The following ANKDD1B variants were observed in gnomAD, a reference collection of about 807,000 sequenced individuals.
ANKDD1B encodes the protein ankyrin repeat and death domain containing 1B, also known as ankyrin repeat and death domain-containing protein 1B.
In ANKDD1B, 57 loss-of-function variants were observed where a neutral mutation model predicts 59.7. The observed-to-expected ratio is 0.95, with a 90% CI of 0.77 to 1.19. ANKDD1B has a LOEUF of 1.19. Among genes scored for constraint, ANKDD1B ranks in the 50% most tolerant of loss-of-function variants. The probability of loss-of-function intolerance (pLI) is 0.00; values close to 1 mark genes in which losing one functional copy is unlikely to be tolerated. For synonymous variants in ANKDD1B, 216 were observed against 239.5 expected (o/e 0.90, Z 0.91); for missense variants, 602 against 641.9 (o/e 0.94, Z 0.67).
At position 75,670,886 on chromosome 5, in the gene ANKDD1B, G is replaced by A. The variant is rs554264964; in HGVS notation, c.1526-93G>A. On this transcript the variant is annotated intron_variant, in intron 13 of 13. Transcript: ENST00000601380. Reference sequence around the variant, plus strand: ...AAAATAAAAATGTTTACTTCAAAGGGCTGTTGTGGGATTTAATGAATAATA... The same window carrying A: ...AAAATAAAAATGTTTACTTCAAAGGACTGTTGTGGGATTTAATGAATAATA... The A allele has an allele frequency of 2.8e-5, 12 of 426,148 alleles. No individual in the cohort carries two copies. The South Asian group carries it at 1.2e-3, about 41-fold the overall frequency. 26.4% of individuals were successfully genotyped at this position (426,148 alleles called of 1,614,324 possible).
intron 2 of ANKDD1B, among the ~76,000 whole-genome samples, chr5:75,617,787 C>G (rs1773750280): frequency 1.3e-5 from 2 of 152,164 alleles, no homozygotes; most frequent in African/African-American, 4.8e-5. Context: ...CTGACTCTGG[C>G]TTTAAGGAAG....
At chr5:75,614,000 GT>G (rs1223921834) in intron 1 of ANKDD1B, among the ~76,000 whole-genome samples, 1 of 152,124 alleles carries the variant, frequency 6.6e-6, no homozygotes, top group Non-Finnish European at 1.5e-5. Flanking sequence ...CGTGTAGCAT[GT>G]CCAAAATAAG....
At chr5:75,664,053 T>C (rs1775238484) in intron 11 of ANKDD1B, among the ~76,000 whole-genome samples, 1 of 152,230 alleles carries the variant, frequency 6.6e-6, no homozygotes, top group Non-Finnish European at 1.5e-5. Flanking sequence ...TGCCCTCCCC[T>C]GCAAGATTCA....
At chr5:75,623,874 A>G (rs1414625012) in intron 3 of ANKDD1B, among the ~76,000 whole-genome samples, 1 of 152,204 alleles carries the variant, frequency 6.6e-6, no homozygotes, top group Non-Finnish European at 1.5e-5. Context: ...GTTATGCCTC[A>G]ATAATTTGGG....
intron 7 of ANKDD1B, among the ~76,000 whole-genome samples, chr5:75,639,526 C>T (rs1362245345): frequency 2.0e-5 from 3 of 152,166 alleles, no homozygotes; most frequent in Non-Finnish European, 4.4e-5. Context: ...AGATGGCTGT[C>T]CCAGGCACCC....
chr5:75,622,474 T>G (rs1773874892), intron 3 of ANKDD1B, among the ~76,000 whole-genome samples: 1 of 152,148 alleles, frequency 6.6e-6, no homozygotes, highest in Non-Finnish European at 1.5e-5. Flanking sequence ...CACTGCATGC[T>G]AGGGACCAAA....
chr5:75,613,946 C>G (rs543665315), intron 1 of ANKDD1B, among the ~76,000 whole-genome samples: 1 of 152,170 alleles, frequency 6.6e-6, no homozygotes, highest in African/African-American at 2.4e-5. Flanking sequence ...GACCACGTAA[C>G]GAGACCCTGT....
At chr5:75,646,762 T>C (rs1345911500) in intron 7 of ANKDD1B, among the ~76,000 whole-genome samples, 1 of 111,458 alleles carries the variant, frequency 9.0e-6, no homozygotes, top group Non-Finnish European at 1.6e-5. Context: ...TTAAAGTTCA[T>C]ATGGAACCAA....
At chr5:75,623,197 C>T (rs574816872) in intron 3 of ANKDD1B, among the ~76,000 whole-genome samples, 1 of 152,172 alleles carries the variant, frequency 6.6e-6, no homozygotes, top group East Asian at 1.9e-4. Context: ...TTCCAAGTAG[C>T]TGGGATTACA....
intron 5 of ANKDD1B, among the ~76,000 whole-genome samples, chr5:75,633,759 GA>G (rs1208141306): frequency 6.6e-6 from 1 of 152,156 alleles, no homozygotes; most frequent in Non-Finnish European, 1.5e-5. Flanking sequence ...AATGCATGTT[GA>G]AATTGGATCC....
chr5:75,614,470 G>A (rs1204413329), intron 1 of ANKDD1B, among the ~76,000 whole-genome samples: 1 of 152,188 alleles, frequency 6.6e-6, no homozygotes, highest in African/African-American at 2.4e-5. Flanking sequence ...AAAGAGCAAA[G>A]CCAGTCAGTG....
At chr5:75,636,543 G>T (rs75651496) in intron 7 of ANKDD1B, among the ~76,000 whole-genome samples, 3,465 of 152,250 alleles carry the variant, frequency 0.023, 142 homozygotes, top group African/African-American at 0.078. Flanking sequence ...GTTGCCAGCA[G>T]ATACCTTGAA....
intron 10 of ANKDD1B, among the ~76,000 whole-genome samples, chr5:75,660,079 G>GT (rs1406409389): frequency 5.3e-5 from 8 of 151,892 alleles, no homozygotes; most frequent in Admixed American, 1.3e-4. Flanking sequence ...GTCTAAACTT[G>GT]TTTTTTTAAA....
chr5:75,620,134 T>C (rs1231291466), intron 2 of ANKDD1B, among the ~76,000 whole-genome samples, 181 bp from the exon 3 acceptor site: 1 of 152,196 alleles, frequency 6.6e-6, no homozygotes, highest in Non-Finnish European at 1.5e-5. Flanking sequence ...TGTTATCTCA[T>C]AATGAAGGCA....
rs1271663473 is a variant in ANKDD1B, at chr5:75,660,687, G to A, written c.1095+1306G>A. 2.6e-5 allele frequency among the ~76,000 whole-genome samples: 4 copies of A among 152,340 alleles called. No homozygotes were observed. The East Asian group carries it at 7.7e-4, about 29-fold the overall frequency. On this transcript the variant is annotated intron_variant, in intron 10 of 13. Coordinates refer to ENST00000601380, the MANE Select transcript of ANKDD1B (RefSeq NM_001276713.2). Reference sequence around the variant, plus strand: ...GTCCCTGGGTACAGTCCTGTCAGGTGCTCACGCAGGCCATATTACTTCAAT... The same window carrying A: ...GTCCCTGGGTACAGTCCTGTCAGGTACTCACGCAGGCCATATTACTTCAAT...
At chr5:75,624,190 A>G (rs1773928514) in intron 3 of ANKDD1B, among the ~76,000 whole-genome samples, 1 of 152,208 alleles carries the variant, frequency 6.6e-6, no homozygotes, top group South Asian at 2.1e-4. Context: ...AAAAACAGAC[A>G]CTTGAGTTTG....
chr5:75,666,937 C>A lies in ANKDD1B; in HGVS notation c.1337C>A (p.Ala446Asp), dbSNP rs755123803. Residue 446 changes from alanine (A) to aspartate (D), a missense_variant, in exon 12 of 14, where the codon GCC (alanine) becomes GAC (aspartate). By Grantham distance (126) the Ala-to-Asp change is moderately radical (BLOSUM62 -2). Coordinates refer to ENST00000601380, the MANE Select transcript of ANKDD1B (RefSeq NM_001276713.2). ...QLKANEWQRL[A>D]RSWNFTDDQI... ...AAGGCCAATGAGTGGCAGAGGCTGGCCCGTTCGTGGAACTTTACAGATGAC... is the reference window on the plus strand; with the variant it reads ...AAGGCCAATGAGTGGCAGAGGCTGGACCGTTCGTGGAACTTTACAGATGAC... 7 of 1,522,228 alleles carry A rather than the reference C, an allele frequency of 4.6e-6. No individual in the cohort carries two copies. Among genetic ancestry groups the A allele is most frequent in the South Asian group, 2.5e-5 (2 of 81,562 alleles). 94.3% of individuals were successfully genotyped at this position (1,522,228 alleles called of 1,614,324 possible).
At chr5:75,646,703 C>A (rs1229027843) in intron 7 of ANKDD1B, among the ~76,000 whole-genome samples, 1 of 49,256 alleles carries the variant, frequency 2.0e-5, no homozygotes, top group East Asian at 5.3e-4. Context: ...TCAATGCCAT[C>A]CCCATCAAGC....
At chr5:75,660,857 G>C (rs942214979) in intron 10 of ANKDD1B, among the ~76,000 whole-genome samples, 2 of 152,152 alleles carry the variant, frequency 1.3e-5, no homozygotes, top group Non-Finnish European at 2.9e-5. Flanking sequence ...CTGGTGCTTT[G>C]CTACAACTGT....
Sources: allele counts gnomAD v4.1 joint callset (sites outside exome capture counted in the v4.1 genomes callset), GRCh38; gene constraint gnomAD v4.1.1; transcripts MANE v1.5; gene names NCBI Gene and HGNC (gene_info 2026-07-23, HGNC 2026-07-21).